ADAMTSL1: variants seen among roughly 807,000 people sequenced by gnomAD.
ADAMTSL1 encodes ADAMTS like 1, also known as ADAMTS-like protein 1.
A neutral mutation model predicts 201.8 loss-of-function variants in ADAMTSL1; 126 were observed. The observed-to-expected ratio is 0.62, with a 90% CI of 0.54 to 0.72. The LOEUF is 0.72. ADAMTSL1 is among the 30% of genes least tolerant of loss of function. The probability of loss-of-function intolerance (pLI) is 0.00; values close to 1 mark genes in which losing one functional copy is unlikely to be tolerated. For missense variants in ADAMTSL1, 2,679 were observed against 2,277.8 expected (o/e 1.18, Z -3.59); for synonymous variants, 1,121 against 903.4 (o/e 1.24, Z -4.32).
chr9:18,537,656 A>C (rs1253708783), intron 3 of ADAMTSL1, among the ~76,000 whole-genome samples: 2 of 152,082 alleles, frequency 1.3e-5, no homozygotes, highest in African/African-American at 4.8e-5. Context: ...CAGAAGGGTC[A>C]CTTGAGGCCA....
chr9:18,297,849 A>C (rs1212136740), intron 2 of ADAMTSL1, among the ~76,000 whole-genome samples: 1 of 152,210 alleles, frequency 6.6e-6, no homozygotes, highest in Non-Finnish European at 1.5e-5. Flanking sequence ...GTATTTCAGA[A>C]ATGAGAACCC....
At chr9:18,841,708 T>A (rs1825728141) in intron 23 of ADAMTSL1, among the ~76,000 whole-genome samples, 1 of 152,250 alleles carries the variant, frequency 6.6e-6, no homozygotes, top group Non-Finnish European at 1.5e-5. Flanking sequence ...ATTGTCACAA[T>A]TTCAGTTCCT....
At chr9:18,843,076 TA>T (rs1825839016) in intron 23 of ADAMTSL1, among the ~76,000 whole-genome samples, 1 of 151,688 alleles carries the variant, frequency 6.6e-6, no homozygotes, top group African/African-American at 2.4e-5. Context: ...ATCCTGTCAT[TA>T]TGATGTTAGC....
Position 18,591,690 on chromosome 9 carries a change from C to T in ADAMTSL1, c.474+17424C>T, listed in dbSNP as rs373145034. Among the ~76,000 whole-genome samples, 174 of 152,258 alleles carry T rather than the reference C, an allele frequency of 1.1e-3. 4 individuals are homozygous for T. The South Asian group carries it at 0.036, about 31-fold the overall frequency. ...GTTTTGGACCATAAATTTTAAATCA[C>T]TGTAACTAGGCTCAAACACATCTTT... On this transcript the variant is annotated intron_variant, in intron 4 of 28. Coordinates refer to ENST00000380548, the MANE Select transcript of ADAMTSL1 (RefSeq NM_001040272.6).
intron 1 of ADAMTSL1, among the ~76,000 whole-genome samples, chr9:17,921,360 C>G (rs1826293144): frequency 6.6e-6 from 1 of 152,130 alleles, no homozygotes; most frequent in Non-Finnish European, 1.5e-5. Flanking sequence ...CCGCACAATT[C>G]TGCTAAGTCA....
chr9:18,626,899 CT>C (rs1826415380), intron 5 of ADAMTSL1, among the ~76,000 whole-genome samples: 2 of 144,976 alleles, frequency 1.4e-5, no homozygotes, highest in Non-Finnish European at 3.0e-5. Context: ...TCCTTCCTTC[CT>C]TTCTTTCTTT....
intron 2 of ADAMTSL1, among the ~76,000 whole-genome samples, chr9:18,446,196 G>C (rs1180489166): frequency 6.6e-6 from 1 of 152,142 alleles, no homozygotes; most frequent in Non-Finnish European, 1.5e-5. Flanking sequence ...ACTCCACAGT[G>C]ATCTTTTAGG....
At chr9:18,792,672 C>G (rs1822134312) in intron 19 of ADAMTSL1, among the ~76,000 whole-genome samples, 1 of 152,140 alleles carries the variant, frequency 6.6e-6, no homozygotes, top group African/African-American at 2.4e-5. Flanking sequence ...ATAAATATTC[C>G]TGGGACATCC....
Position 18,909,733 on chromosome 9 carries a change from T to A in ADAMTSL1, c.*1185T>A, listed in dbSNP as rs1174175899. 2 of 152,110 alleles carry A rather than the reference T, an allele frequency of 1.3e-5. No individual in the cohort carries two copies. The highest frequency in any genetic ancestry group is 4.8e-5 in the African/African-American group (2 of 41,382). The allele number at this position is 152,110 out of a possible 1,614,324, so 9.4% of individuals were successfully genotyped here. Reference sequence around the variant, plus strand: ...CCAGGGACCGGGGTGGGACAATGGGTTTATGCGTGTCCACAGTACACCCTC... The same window carrying A: ...CCAGGGACCGGGGTGGGACAATGGGATTATGCGTGTCCACAGTACACCCTC... On this transcript the variant is annotated 3_prime_UTR_variant, in exon 29 of 29. Transcript: ENST00000380548.
chr9:18,613,599 A>C (rs1825517113), intron 4 of ADAMTSL1, among the ~76,000 whole-genome samples: 1 of 152,224 alleles, frequency 6.6e-6, no homozygotes. Flanking sequence ...ATCCTTAACA[A>C]ACTGACACAA....
intron 2 of ADAMTSL1, among the ~76,000 whole-genome samples, chr9:18,315,836 A>T (rs1834368452): frequency 6.6e-6 from 1 of 152,220 alleles, no homozygotes; most frequent in African/African-American, 2.4e-5. Context: ...ACCAAGGCCA[A>T]GGAGGCGCAG....
chr9:18,712,317 T>C (rs936082477), intron 14 of ADAMTSL1, among the ~76,000 whole-genome samples: 12 of 152,148 alleles, frequency 7.9e-5, no homozygotes, highest in African/African-American at 2.4e-4. Context: ...GGGAGGACAT[T>C]CAAACCAAAG....
At chr9:18,432,364 C>T (rs1364577603) in intron 2 of ADAMTSL1, among the ~76,000 whole-genome samples, 1 of 152,150 alleles carries the variant, frequency 6.6e-6, no homozygotes, top group Non-Finnish European at 1.5e-5. Context: ...TAGGTTTTCA[C>T]CATGTATGAA....
intron 1 of ADAMTSL1, among the ~76,000 whole-genome samples, chr9:18,126,646 T>C (rs374276565): frequency 6.6e-6 from 1 of 152,170 alleles, no homozygotes; most frequent in East Asian, 1.9e-4. Context: ...TTTTGAACTA[T>C]TATTATAATA....
At chr9:18,727,188 A>C (rs1186433443) in intron 15 of ADAMTSL1, among the ~76,000 whole-genome samples, 2 of 152,230 alleles carry the variant, frequency 1.3e-5, no homozygotes, top group Non-Finnish European at 2.9e-5. Context: ...ATTTTAATTT[A>C]TTTGATGGAG....
At chr9:17,935,018 G>A (rs2811820) in intron 1 of ADAMTSL1, among the ~76,000 whole-genome samples, 147,970 of 152,088 alleles carry the variant, frequency 0.97, 72,027 homozygotes, top group East Asian at 1. Flanking sequence ...TGTATATTAT[G>A]GTTATTTTCT....
intron 23 of ADAMTSL1, among the ~76,000 whole-genome samples, chr9:18,877,392 C>T (rs997368457): frequency 7.9e-5 from 12 of 152,150 alleles, no homozygotes; most frequent in Non-Finnish European, 1.8e-4. Context: ...TCAAGGGCTG[C>T]TGTTGAGATT....
chr9:18,725,448 C>G (rs1817822131), intron 15 of ADAMTSL1, among the ~76,000 whole-genome samples: 1 of 152,180 alleles, frequency 6.6e-6, no homozygotes, highest in Non-Finnish European at 1.5e-5. Context: ...TGCTTGTGAG[C>G]TGCCAGTGAG....
At chr9:18,523,875 T>A (rs1434874083) in intron 2 of ADAMTSL1, among the ~76,000 whole-genome samples, 4 of 137,126 alleles carry the variant, frequency 2.9e-5, no homozygotes, top group African/African-American at 1.1e-4. Flanking sequence ...TCAGGTAGCG[T>A]GATGCCTCCA....
Sources: gnomAD v4.1 joint callset for allele counts (sites outside exome capture counted in the v4.1 genomes callset) on GRCh38, gnomAD v4.1.1 for gene constraint, MANE v1.5 for transcripts, NCBI Gene and HGNC (gene_info 2026-07-23, HGNC 2026-07-21) for gene names.